Variants in LIN28B observed in about 807,000 individuals in gnomAD.
LIN28B encodes the protein lin-28 RNA binding posttranscriptional regulator B.
Under a neutral mutation model 21.9 loss-of-function variants are expected in LIN28B, and 5 were observed. That is an observed-to-expected ratio of 0.23 (90% CI 0.12 to 0.48). The LOEUF (loss-of-function observed/expected upper bound fraction) is 0.48, where lower values mean the gene tolerates loss of function less well. Ranked by LOEUF, LIN28B falls within the 20% of genes least tolerant of loss-of-function variation. The pLI is 0.98. For missense variants in LIN28B, 245 were observed against 310.5 expected (o/e 0.79, Z 1.58); for synonymous variants, 109 against 111.3 (o/e 0.98, Z 0.13).
intron 2 of LIN28B, among the ~76,000 whole-genome samples, chr6:104,988,590 T>G (rs944334897): frequency 7.5e-5 from 10 of 134,164 alleles, no homozygotes; most frequent in African/African-American, 2.7e-4. Context: ...TTTTTTTTTC[T>G]GAGACAGAGT....
chr6:105,018,127 A>T (rs1398121261), intron 2 of LIN28B, among the ~76,000 whole-genome samples: 2 of 151,940 alleles, frequency 1.3e-5, no homozygotes, highest in Non-Finnish European at 1.5e-5. Flanking sequence ...CTCTACAAAA[A>T]AATTTTAAAA....
intron 3 of LIN28B, among the ~76,000 whole-genome samples, chr6:105,041,315 T>C (rs1771629192): frequency 6.6e-6 from 1 of 152,332 alleles, no homozygotes; most frequent in South Asian, 2.1e-4. Flanking sequence ...ACCTTTTATC[T>C]ACAATTTTGC....
chr6:104,951,889 CA>C (rs1171292174), intron 3 of LIN28B, among the ~76,000 whole-genome samples: 3 of 152,160 alleles, frequency 2.0e-5, no homozygotes, highest in African/African-American at 7.2e-5. Flanking sequence ...TTCTGGCCTC[CA>C]TTTTCTAGCT....
chr6:104,953,202 C>T (rs532371629), upstream of LIN28B, among the ~76,000 whole-genome samples: 3 of 152,056 alleles, frequency 2.0e-5, no homozygotes, highest in Admixed American at 6.6e-5. Context: ...CCTTTCTCGC[C>T]GACGTTTTTT....
At position 105,009,756 on chromosome 6, in the gene LIN28B, A is replaced by G. The variant is rs571747483; in HGVS notation, c.199-16542A>G. On this transcript the variant is annotated intron_variant, in intron 2 of 3. Coordinates refer to ENST00000345080, the MANE Select transcript of LIN28B (RefSeq NM_001004317.4). The stretch of plus-strand genomic sequence containing the variant: ...TGCTAAAAAGGAAAGCAGGGTCTCT[A>G]TATCAGTTGTTCCCTTTAGTTTCAT... Among the ~76,000 whole-genome samples, 3 of 152,268 alleles carry G rather than the reference A, an allele frequency of 2.0e-5. No individual in the cohort carries two copies. The South Asian group carries it at 6.2e-4, about 32-fold the overall frequency.
At chr6:105,001,620 G>A (rs775164787) in intron 2 of LIN28B, among the ~76,000 whole-genome samples, 1 of 152,176 alleles carries the variant, frequency 6.6e-6, no homozygotes, top group African/African-American at 2.4e-5. Context: ...ATGTGTAAGA[G>A]AACGGAAGAA....
chr6:104,950,762 T>C (rs1240941356), intron 3 of LIN28B, among the ~76,000 whole-genome samples: 1 of 151,788 alleles, frequency 6.6e-6, no homozygotes, highest in East Asian at 1.9e-4. Context: ...AGCAGTATTG[T>C]ATTTTGTGAT....
At chr6:105,059,309 C>T (rs1772081805) in intron 3 of LIN28B, among the ~76,000 whole-genome samples, 1 of 151,986 alleles carries the variant, frequency 6.6e-6, no homozygotes, top group South Asian at 2.1e-4. Flanking sequence ...TAACTGGTTC[C>T]TCCACCTGAA....
At chr6:104,960,244 G>C (rs538281202) in intron 2 of LIN28B, among the ~76,000 whole-genome samples, 1 of 152,010 alleles carries the variant, frequency 6.6e-6, no homozygotes, top group African/African-American at 2.4e-5. Context: ...TATATAAATT[G>C]TATGAATAAT....
chr6:104,942,898 G>T (rs1362003143), intron 2 of LIN28B, among the ~76,000 whole-genome samples: 2 of 80,140 alleles, frequency 2.5e-5, no homozygotes, highest in Non-Finnish European at 5.0e-5. Context: ...TAACTTTATA[G>T]GTGCTTCTCA....
chr6:104,942,931 C>T (rs1013271266), intron 2 of LIN28B, among the ~76,000 whole-genome samples: 3 of 151,952 alleles, frequency 2.0e-5, no homozygotes, highest in Non-Finnish European at 4.4e-5. Context: ...CTAAATGATT[C>T]AATAATTATA....
chr6:105,076,337 A>G (rs1007857869), intron 3 of LIN28B, among the ~76,000 whole-genome samples: 1 of 152,212 alleles, frequency 6.6e-6, no homozygotes, highest in Non-Finnish European at 1.5e-5. Flanking sequence ...TCTAAAGTAT[A>G]TAAGGTAATA....
At chr6:105,067,608 A>G (rs1443275666) in intron 3 of LIN28B, among the ~76,000 whole-genome samples, 2 of 151,356 alleles carry the variant, frequency 1.3e-5, no homozygotes, top group Non-Finnish European at 1.5e-5. Flanking sequence ...AGAACAGACT[A>G]TCTGTCTGAG....
At chr6:105,050,461 G>T (rs1771875543) in intron 3 of LIN28B, among the ~76,000 whole-genome samples, 2 of 151,524 alleles carry the variant, frequency 1.3e-5, no homozygotes, top group Admixed American at 6.6e-5. Context: ...AATTAGCCGG[G>T]CGCGGTGGCG....
chr6:104,976,080 A>G (rs1272588884), intron 2 of LIN28B, among the ~76,000 whole-genome samples: 1 of 152,046 alleles, frequency 6.6e-6, no homozygotes, highest in African/African-American at 2.4e-5. Context: ...TAGTGCTCTT[A>G]AATCTCTGGG....
chr6:105,017,008 G>A lies in LIN28B; in HGVS notation c.199-9290G>A, dbSNP rs553664270. Reference sequence around the variant, plus strand: ...GGAGCCCTTGAGCCTGAGTGGTAGAGGTTGGAGTGAGCCAAGATTGTGCTG... The same window carrying A: ...GGAGCCCTTGAGCCTGAGTGGTAGAAGTTGGAGTGAGCCAAGATTGTGCTG... On this transcript the variant is annotated intron_variant, in intron 2 of 3. Coordinates refer to ENST00000345080, the MANE Select transcript of LIN28B (RefSeq NM_001004317.4). Among the ~76,000 whole-genome samples, 88 of 147,816 alleles carry A rather than the reference G, an allele frequency of 6.0e-4. No individual in the cohort carries two copies. The South Asian group carries it at 0.018, about 30-fold the overall frequency.
chr6:105,031,405 G>T (rs947392366), intron 3 of LIN28B, among the ~76,000 whole-genome samples: 1 of 151,950 alleles, frequency 6.6e-6, no homozygotes, highest in Non-Finnish European at 1.5e-5. Context: ...GATTTGGTCT[G>T]CTGATGTACC....
At chr6:105,071,995 AGTCTTTT>A (rs1217022719) in intron 3 of LIN28B, among the ~76,000 whole-genome samples, 1 of 152,132 alleles carries the variant, frequency 6.6e-6, no homozygotes, top group African/African-American at 2.4e-5. Flanking sequence ...GACTACTCCC[AGTCTTTT>A]GTTTTATAGA....
At chr6:105,011,890 T>G (rs150842837) in intron 2 of LIN28B, among the ~76,000 whole-genome samples, 1,725 of 151,060 alleles carry the variant, frequency 0.011, 30 homozygotes, top group African/African-American at 0.037. Flanking sequence ...CCAGGTGTGG[T>G]GTCTCATGCC....
Sources: gnomAD v4.1 joint callset for allele counts (sites outside exome capture counted in the v4.1 genomes callset) on GRCh38, gnomAD v4.1.1 for gene constraint, MANE v1.5 for transcripts, NCBI Gene and HGNC (gene_info 2026-07-23, HGNC 2026-07-21) for gene names.